CABCOCO1: variants seen among roughly 807,000 people sequenced by gnomAD.
CABCOCO1 encodes ciliary associated calcium binding coiled-coil 1.
Under a neutral mutation model 35.7 loss-of-function variants are expected in CABCOCO1, and 28 were observed. That is an observed-to-expected ratio of 0.78 (90% CI 0.58 to 1.07). CABCOCO1 has a LOEUF of 1.07. Ranked by LOEUF, CABCOCO1 falls within the 50% of genes least tolerant of loss-of-function variation. CABCOCO1 has a pLI of 0.00. For missense variants in CABCOCO1, 326 were observed against 309.2 expected, an observed-to-expected ratio of 1.05 and a Z score of -0.41; for synonymous variants, 95 against 100.1, an observed-to-expected ratio of 0.95 and a Z score of 0.30.
chr10:61,701,928 C>CCAACGATCTTTG, intron 5 of CABCOCO1: 1 of 510,536 alleles, frequency 2.0e-6, no homozygotes, highest in Non-Finnish European at 2.5e-6. Context: ...AACCAAAGAT[C>CCAACGATCTTTG]GTTGGATCTT....
intron 5 of CABCOCO1, among the ~76,000 whole-genome samples, chr10:61,693,339 A>G (rs1840205820): frequency 6.6e-6 from 1 of 152,276 alleles, no homozygotes; most frequent in South Asian, 2.1e-4. Flanking sequence ...TGCCCCAGCA[A>G]TATGATTATT....
Position 61,766,037 on chromosome 10 carries a change from GC to G in CABCOCO1, c.*25del. The G allele has an allele frequency of 3.8e-6, 6 of 1,591,006 alleles. No homozygotes were observed. The highest frequency in any genetic ancestry group is 5.2e-6 in the Non-Finnish European group (6 of 1,161,758). ...AAGGACTTGGTACAAGGAGAGTGAT[GC>G]TAAACTTCACAGAAACAAACAAAAC... On this transcript the variant is annotated 3_prime_UTR_variant, in exon 8 of 8. Transcript: ENST00000648843.
intron 5 of CABCOCO1, among the ~76,000 whole-genome samples, chr10:61,710,462 T>C (rs1396293215): frequency 6.6e-6 from 1 of 151,916 alleles, no homozygotes; most frequent in Non-Finnish European, 1.5e-5. Context: ...CACAAAAATA[T>C]TCCACTTTTT....
intron 5 of CABCOCO1, among the ~76,000 whole-genome samples, chr10:61,748,950 A>G (rs61850520): frequency 0.018 from 2,696 of 152,284 alleles, 48 homozygotes; most frequent in Middle Eastern, 0.051. Flanking sequence ...ACTCATCCAC[A>G]ACAGAACTAA....
In CABCOCO1 at chr10:61,711,625, A is replaced by G. The variant is rs532184236; in HGVS notation, c.552+21004A>G. Among the ~76,000 whole-genome samples the G allele has an allele frequency of 7.9e-5, 12 of 152,196 alleles. No individual in the cohort carries two copies. The East Asian group carries it at 1.9e-3, about 24-fold the overall frequency. ...TTGAACAAGACTATCAAATAATTTG[A>G]CATCATTGACATTTATATAAGGAGA... On this transcript the variant is annotated intron_variant, in intron 5 of 7. Transcript: ENST00000648843.
intron 1 of CABCOCO1, among the ~76,000 whole-genome samples, chr10:61,666,705 A>G (rs1277858861): frequency 6.6e-6 from 1 of 151,862 alleles, no homozygotes; most frequent in Non-Finnish European, 1.5e-5. Context: ...ATTTTTTTAT[A>G]TTTGAAATGA....
rs553739204 is a variant in CABCOCO1 at position 61,668,779 on chromosome 10, G to A, written c.61-3853G>A. On this transcript the variant is annotated intron_variant, in intron 1 of 7. Coordinates refer to ENST00000648843, the MANE Select transcript of CABCOCO1 (RefSeq NM_001366906.2). ...ATAGCAAGACTATGGTAAGGTGAAC[G>A]AGGCACTCTCCTTGGGCACAGAATT... is the stretch of plus-strand genomic sequence containing the variant. Among the ~76,000 whole-genome samples, 4 of 151,336 alleles carry A rather than the reference G, an allele frequency of 2.6e-5. No homozygotes were observed. In the East Asian group the frequency reaches 5.8e-4, roughly 22 times the overall value.
At chr10:61,670,716 A>G (rs749998601) in intron 1 of CABCOCO1, among the ~76,000 whole-genome samples, 6 of 152,080 alleles carry the variant, frequency 3.9e-5, no homozygotes, top group Non-Finnish European at 8.8e-5. Flanking sequence ...CTCTTTCCCC[A>G]CAAAGTCTCA....
intron 5 of CABCOCO1, among the ~76,000 whole-genome samples, chr10:61,705,968 G>A (rs907220029): frequency 2.0e-5 from 3 of 152,150 alleles, no homozygotes; most frequent in African/African-American, 7.2e-5. Context: ...GAAAGAGACT[G>A]TCTAGATTAT....
At position 61,766,149 on chromosome 10, in the gene CABCOCO1, A is replaced by G. The variant is rs930460846; in HGVS notation, c.*136A>G. On this transcript the variant is annotated 3_prime_UTR_variant, in exon 8 of 8. Transcript: ENST00000648843. ...ACCAAGCCCCACTTTTTATTTTCCT[A>G]AGTAATTAGAAAAGTATTGGTCCCA... 5 of 775,626 alleles carry G rather than the reference A, an allele frequency of 6.4e-6. No individual in the cohort carries two copies. The highest frequency in any genetic ancestry group is 1.0e-5 in the Non-Finnish European group (5 of 500,866). 48.0% of individuals were successfully genotyped at this position (775,626 alleles called of 1,614,324 possible).
Position 61,766,101 on chromosome 10 carries a change from C to T in CABCOCO1, c.*88C>T, listed in dbSNP as rs1842104232. 19 of 1,203,036 alleles carry T rather than the reference C, an allele frequency of 1.6e-5. No homozygotes were observed. Among genetic ancestry groups the T allele is most frequent in the Non-Finnish European group, 2.2e-5 (19 of 847,874 alleles). 74.5% of individuals were successfully genotyped at this position (1,203,036 alleles called of 1,614,324 possible). A position where few individuals can be genotyped will look rare whatever the true frequency, so the allele number is the denominator to read the frequency against. Reference sequence around the variant, plus strand: ...CAGACTCTCTGGAGCGTCGTGTCTCCATCACTTAGTTGTGAAAGGAAAACC... The same window carrying T: ...CAGACTCTCTGGAGCGTCGTGTCTCTATCACTTAGTTGTGAAAGGAAAACC... On this transcript the variant is annotated 3_prime_UTR_variant, in exon 8 of 8. Transcript: ENST00000648843.
At chr10:61,680,727 A>ATACATGTATAACATATATATGT (rs1839762758) in intron 2 of CABCOCO1, among the ~76,000 whole-genome samples, 3 of 56,500 alleles carry the variant, frequency 5.3e-5, no homozygotes, top group East Asian at 4.2e-4. Flanking sequence ...CATATATATT[A>ATACATGTATAACATATATATGT]TATATATAAT....
At chr10:61,738,449 A>G (rs1185779549) in intron 5 of CABCOCO1, among the ~76,000 whole-genome samples, 2 of 152,230 alleles carry the variant, frequency 1.3e-5, no homozygotes, top group African/African-American at 4.8e-5. Context: ...AGCTAAATAT[A>G]ATACCATCTA....
chr10:61,761,083 C>G, intron 7 of CABCOCO1, 80 bp downstream of exon 7: 1 of 1,420,944 alleles, frequency 7.0e-7, no homozygotes, highest in East Asian at 2.3e-5. Flanking sequence ...TATAAACACT[C>G]CCCACACTGC....
intron 5 of CABCOCO1, among the ~76,000 whole-genome samples, chr10:61,717,904 T>C (rs1343964869): frequency 2.6e-5 from 4 of 152,170 alleles, no homozygotes; most frequent in Non-Finnish European, 5.9e-5. Context: ...AGAATGATTG[T>C]AATATTTTAA....
chr10:61,698,280 T>C (rs571853599), intron 5 of CABCOCO1, among the ~76,000 whole-genome samples: 2 of 152,294 alleles, frequency 1.3e-5, no homozygotes, highest in South Asian at 2.1e-4. Context: ...TCTGTTTCAA[T>C]ATTTTATTTT....
rs773360653 is a variant in CABCOCO1 at position 61,681,322 on chromosome 10, C to A, written c.334+10C>A. ...CTTCAAAATCTTAAAAGTAAGTACA[C>A]TATTTTCCTTTGAAGTAAAACAAAT... is the stretch of plus-strand genomic sequence containing the variant. On this transcript the variant is annotated intron_variant, in intron 3 of 7. Coordinates refer to ENST00000648843, the MANE Select transcript of CABCOCO1 (RefSeq NM_001366906.2). 2 of 1,509,140 alleles carry A rather than the reference C, an allele frequency of 1.3e-6. No homozygotes were observed. Among genetic ancestry groups the A allele is most frequent in the Admixed American group, 2.0e-5 (1 of 49,100 alleles). 93.5% of individuals were successfully genotyped at this position (1,509,140 alleles called of 1,614,324 possible). A position where few individuals can be genotyped will look rare whatever the true frequency, so the allele number is the denominator to read the frequency against.
chr10:61,707,131 A>C (rs1163048199), intron 5 of CABCOCO1, among the ~76,000 whole-genome samples: 1 of 152,180 alleles, frequency 6.6e-6, no homozygotes. Context: ...GGTGTCCAGA[A>C]AACTTACTGG....
At chr10:61,705,277 A>G (rs1254302073) in intron 5 of CABCOCO1, among the ~76,000 whole-genome samples, 1 of 152,194 alleles carries the variant, frequency 6.6e-6, no homozygotes, top group African/African-American at 2.4e-5. Flanking sequence ...CTGTACAGTT[A>G]AAGCTCAGCA....
Sources: allele counts gnomAD v4.1 joint callset (sites outside exome capture counted in the v4.1 genomes callset), GRCh38; gene constraint gnomAD v4.1.1; transcripts MANE v1.5; gene names NCBI Gene and HGNC (gene_info 2026-07-23, HGNC 2026-07-21).